RBKS: variants seen among roughly 807,000 people sequenced by gnomAD.
RBKS encodes the protein ribokinase.
RBKS carries 33 observed loss-of-function variants against 33.9 expected under a neutral mutation model. The observed-to-expected ratio is 0.97, with a 90% confidence interval of 0.74 to 1.30. RBKS has a LOEUF of 1.30. Ranked by LOEUF, RBKS falls within the 50% of genes most tolerant of loss-of-function variation. The probability of loss-of-function intolerance (pLI) is 0.00; values close to 1 mark genes in which losing one functional copy is unlikely to be tolerated. For synonymous variants in RBKS, 125 were observed against 143.0 expected (o/e 0.87, Z 0.90); for missense variants, 361 against 392.6 (o/e 0.92, Z 0.68).
intron 1 of RBKS, among the ~76,000 whole-genome samples, chr2:27,872,275 CA>C (rs1474665597): frequency 6.6e-6 from 1 of 151,940 alleles, no homozygotes; most frequent in Non-Finnish European, 1.5e-5. Context: ...AAAATAAATT[CA>C]AATAAATCAG....
At chr2:27,802,881 A>G (rs541422645) in intron 7 of RBKS, among the ~76,000 whole-genome samples, 17 of 152,322 alleles carry the variant, frequency 1.1e-4, no homozygotes, top group Admixed American at 5.2e-4. Context: ...GTTCTCCCCT[A>G]TGCAGACAGG....
rs867541523 is a variant in RBKS, at chr2:27,872,840, C to T, written c.90-14269G>A. On this transcript the variant is annotated intron_variant, in intron 1 of 7. Coordinates refer to ENST00000302188, the MANE Select transcript of RBKS (RefSeq NM_022128.3). ...TGAAACACCACAGCTGAACACCCATCAAATAAGAAACATGGCAAGAAGGAA... is the reference window on the plus strand; with the variant it reads ...TGAAACACCACAGCTGAACACCCATTAAATAAGAAACATGGCAAGAAGGAA... Among the ~76,000 whole-genome samples, 4 of 152,110 alleles carry T rather than the reference C, an allele frequency of 2.6e-5. No individual in the cohort carries two copies. In the East Asian group the frequency reaches 5.8e-4, roughly 22 times the overall value.
At chr2:27,855,954 T>C (rs2148218066) in intron 2 of RBKS, among the ~76,000 whole-genome samples, 1 of 152,330 alleles carries the variant, frequency 6.6e-6, no homozygotes, top group South Asian at 2.1e-4. Context: ...TTTATCTTGA[T>C]AAATTTCATG....
intron 1 of RBKS, among the ~76,000 whole-genome samples, chr2:27,869,321 C>T (rs1314018493): frequency 1.3e-5 from 2 of 152,186 alleles, no homozygotes; most frequent in Non-Finnish European, 2.9e-5. Flanking sequence ...CTACTTAATT[C>T]AGAAGGCATT....
chr2:27,801,950 G>GAAAAA (rs1217494223), intron 7 of RBKS, among the ~76,000 whole-genome samples: 5 of 40,506 alleles, frequency 1.2e-4, no homozygotes, highest in African/African-American at 4.7e-4. Flanking sequence ...AGTAGCTGGG[G>GAAAAA]AAAAAAAAAA....
chr2:27,809,984 T>G (rs1410164934), intron 7 of RBKS: 6 of 1,304,186 alleles, frequency 4.6e-6, no homozygotes, highest in East Asian at 5.5e-5. Context: ...TCTGGGTTAT[T>G]TATAATGTTT....
intron 7 of RBKS, among the ~76,000 whole-genome samples, chr2:27,819,388 C>T (rs1424840995): frequency 6.6e-6 from 1 of 152,188 alleles, no homozygotes; most frequent in Admixed American, 6.5e-5. Context: ...CTTTTCCTAT[C>T]TCCAAATACA....
chr2:27,844,831 G>A lies in RBKS; in HGVS notation c.350-1600C>T, dbSNP rs189011775. ...TACTAGACAATTTAAAATTCCACAC[G>A]AGGCTTGCATTTTATTTTTATTGGA... On this transcript the variant is annotated intron_variant, in intron 4 of 7. Transcript: ENST00000302188. 9.9e-5 allele frequency among the ~76,000 whole-genome samples: 15 copies of A among 152,190 alleles called. No individual in the cohort carries two copies. In the East Asian group the frequency reaches 2.7e-3, roughly 27 times the overall value.
intron 5 of RBKS, among the ~76,000 whole-genome samples, chr2:27,838,383 C>T (rs1453673187): frequency 6.6e-6 from 1 of 152,052 alleles, no homozygotes; most frequent in Non-Finnish European, 1.5e-5. Context: ...AAATTTTCCA[C>T]AATAAAAGCA....
intron 4 of RBKS, 150 bp downstream of exon 4, chr2:27,846,892 T>G: frequency 1.8e-6 from 1 of 542,212 alleles, no homozygotes; most frequent in Non-Finnish European, 3.4e-6. Flanking sequence ...GAAACACATT[T>G]ATATTTGGAT....
At chr2:27,798,552 G>C (rs58103757) in intron 7 of RBKS, among the ~76,000 whole-genome samples, 1 of 152,052 alleles carries the variant, frequency 6.6e-6, no homozygotes, top group Non-Finnish European at 1.5e-5. Flanking sequence ...CACTGCCCCA[G>C]TAATGTTCAC....
chr2:27,851,120 A>G (rs755891930), intron 2 of RBKS, among the ~76,000 whole-genome samples: 1 of 152,184 alleles, frequency 6.6e-6, no homozygotes, highest in East Asian at 1.9e-4. Context: ...CTATGTCTCA[A>G]TCCAGGTTTC....
rs995029125 is a variant in RBKS, at chr2:27,841,862, A to T, written c.514+1205T>A. Reference sequence around the variant, plus strand: ...AAAATCACAGAACTATTGCCACAATATCAAGAAGTCATCATGTTAGAGTGG... The same window carrying T: ...AAAATCACAGAACTATTGCCACAATTTCAAGAAGTCATCATGTTAGAGTGG... On this transcript the variant is annotated intron_variant, in intron 5 of 7. Coordinates refer to ENST00000302188, the MANE Select transcript of RBKS (RefSeq NM_022128.3). Among the ~76,000 whole-genome samples, 6 of 152,140 alleles carry T rather than the reference A, an allele frequency of 3.9e-5. No individual in the cohort carries two copies. The East Asian group carries it at 7.7e-4, about 20-fold the overall frequency.
chr2:27,883,369 G>C (rs1481679678), intron 1 of RBKS, among the ~76,000 whole-genome samples: 1 of 151,912 alleles, frequency 6.6e-6, no homozygotes, highest in Non-Finnish European at 1.5e-5. Flanking sequence ...CCAGCTAGTT[G>C]TTTGCATTTT....
chr2:27,886,791 ACTAGCCACTTACTAGC>A (rs1664538097), intron 1 of RBKS, among the ~76,000 whole-genome samples: 2 of 152,198 alleles, frequency 1.3e-5, no homozygotes, highest in African/African-American at 4.8e-5. Context: ...AGTAGCCTTT[ACTAGCCACTTACTAGC>A]CAGTAAGTAA....
intron 7 of RBKS, among the ~76,000 whole-genome samples, chr2:27,787,025 G>C (rs1677418636): frequency 6.6e-6 from 1 of 152,062 alleles, no homozygotes; most frequent in Non-Finnish European, 1.5e-5. Context: ...GTCTTGCTCT[G>C]TCACCCAGGA....
chr2:27,813,793 A>C (rs1328361830), intron 7 of RBKS, among the ~76,000 whole-genome samples: 1 of 152,208 alleles, frequency 6.6e-6, no homozygotes, highest in Non-Finnish European at 1.5e-5. Context: ...AAAAACATAA[A>C]TACTGAGATT....
chr2:27,870,590 T>A lies in RBKS; in HGVS notation c.90-12019A>T, dbSNP rs771865085. 1.9e-5 allele frequency: 7 copies of A among 360,916 alleles called. No homozygotes were observed. The East Asian group carries it at 5.2e-4, about 27-fold the overall frequency. 22.4% of individuals were successfully genotyped at this position (360,916 alleles called of 1,614,324 possible). ...GTTAAGGGCATGTACTTTAACGTGG[T>A]TGATAATTTTAATCACATCCTGCAA... is the stretch of plus-strand genomic sequence containing the variant. On this transcript the variant is annotated intron_variant, in intron 1 of 7. Transcript: ENST00000302188.
At chr2:27,840,908 A>G (rs1024044349) in intron 5 of RBKS, among the ~76,000 whole-genome samples, 8 of 152,166 alleles carry the variant, frequency 5.3e-5, no homozygotes, top group Non-Finnish European at 1.2e-4. Context: ...TCTGAGGGTA[A>G]AATGTGTACG....
Sources: gnomAD v4.1 joint callset for allele counts (sites outside exome capture counted in the v4.1 genomes callset) on GRCh38, gnomAD v4.1.1 for gene constraint, MANE v1.5 for transcripts, NCBI Gene and HGNC (gene_info 2026-07-23, HGNC 2026-07-21) for gene names.